MGLL: variants seen among roughly 807,000 people sequenced by gnomAD.
MGLL encodes the protein lysophospholipase homolog.
Under a neutral mutation model 29.1 loss-of-function variants are expected in MGLL, and 7 were observed. The ratio of observed to expected loss-of-function variants is 0.24; its 90% CI spans 0.14 to 0.45. The LOEUF (loss-of-function observed/expected upper bound fraction) is 0.45, where lower values mean the gene tolerates loss of function less well. MGLL is among the 20% of genes least tolerant of loss of function. The pLI, the probability that MGLL is intolerant of heterozygous loss-of-function variation, is 0.99. For synonymous variants in MGLL, 148 were observed against 168.3 expected, an observed-to-expected ratio of 0.88 and a Z score of 0.93; for missense variants, 356 against 413.6, an observed-to-expected ratio of 0.86 and a Z score of 1.21.
chr3:127,695,678 A>T (rs1174410454), intron 6 of MGLL, among the ~76,000 whole-genome samples: 2 of 152,192 alleles, frequency 1.3e-5, no homozygotes, highest in East Asian at 3.8e-4. Context: ...TGGGAGGCGG[A>T]CTTTGCAGTG....
intron 2 of MGLL, among the ~76,000 whole-genome samples, chr3:127,786,527 G>A (rs1351820174): frequency 6.6e-6 from 1 of 152,230 alleles, no homozygotes; most frequent in Admixed American, 6.5e-5. Context: ...GAAGCAGATG[G>A]CCTGCCTGGC....
At chr3:127,711,287 C>T in intron 5 of MGLL, 1 of 172,056 alleles carries the variant, frequency 5.8e-6, no homozygotes, top group South Asian at 1.4e-4. Flanking sequence ...GCCAGTGGGA[C>T]CTTGACCCTC....
At chr3:127,785,625 CGCAA>C (rs2077199806) in intron 2 of MGLL, among the ~76,000 whole-genome samples, 1 of 152,238 alleles carries the variant, frequency 6.6e-6, no homozygotes, top group African/African-American at 2.4e-5. Context: ...CAGGACCCTG[CGCAA>C]GTCGCCTGAT....
chr3:127,735,771 G>A (rs774468662), intron 3 of MGLL: 10 of 1,598,184 alleles, frequency 6.3e-6, no homozygotes, highest in Non-Finnish European at 7.6e-6. Context: ...CCTTTGTATG[G>A]TTTCAGAGGA....
intron 1 of MGLL, 53 bp from the exon 2 acceptor site, chr3:127,821,891 T>C (rs1209795966): frequency 5.1e-6 from 8 of 1,566,862 alleles, no homozygotes; most frequent in Non-Finnish European, 7.0e-6. Flanking sequence ...AGAACATGTA[T>C]GGATAGGAGA....
intron 3 of MGLL, among the ~76,000 whole-genome samples, chr3:127,731,174 T>A (rs2076143254): frequency 6.6e-6 from 1 of 152,070 alleles, no homozygotes; most frequent in African/African-American, 2.4e-5. Context: ...TTTCTCCTGG[T>A]TTTATTTATG....
At chr3:127,703,044 G>A (rs2075527861) in intron 6 of MGLL, among the ~76,000 whole-genome samples, 1 of 152,204 alleles carries the variant, frequency 6.6e-6, no homozygotes, top group Non-Finnish European at 1.5e-5. Flanking sequence ...GGCTCTGCAG[G>A]TCGCAGCCCC....
chr3:127,747,451 T>C (rs2076469485), intron 3 of MGLL, among the ~76,000 whole-genome samples: 1 of 152,226 alleles, frequency 6.6e-6, no homozygotes, highest in Admixed American at 6.5e-5. Flanking sequence ...GACTGTGTGC[T>C]CCTTAGGGGC....
rs1271817001 is a variant in MGLL at position 127,761,761 on chromosome 3, G to A, written c.262+20028C>T. Among the ~76,000 whole-genome samples the A allele has an allele frequency of 1.3e-5, 2 of 152,134 alleles. No individual in the cohort carries two copies. Among genetic ancestry groups the A allele is most frequent in the African/African-American group, 2.4e-5 (1 of 41,422 alleles). ...CGTTCGGCTCCTCGCTTCATCGGCC[G>A]GGCCCTTGGGACCCCAGCTCTTCAG... is the stretch of plus-strand genomic sequence containing the variant. On this transcript the variant is annotated intron_variant, in intron 3 of 7. Transcript: ENST00000265052. The surrounding 1 kb of genome is among the most constrained non-coding windows in gnomAD (Gnocchi z 4.6).
intron 2 of MGLL, among the ~76,000 whole-genome samples, chr3:127,821,176 T>A (rs1453153212): frequency 1.3e-5 from 2 of 152,192 alleles, no homozygotes; most frequent in Non-Finnish European, 2.9e-5. Flanking sequence ...GCAAGACAAA[T>A]CCTTGATGGA....
chr3:127,758,635 CA>C (rs1408117528), intron 3 of MGLL, among the ~76,000 whole-genome samples: 2 of 152,230 alleles, frequency 1.3e-5, no homozygotes, highest in African/African-American at 4.8e-5. Context: ...CCTTTCCTAA[CA>C]ATTCGGCTGT....
rs1416900448 is a variant in MGLL at position 127,761,839 on chromosome 3, A to T, written c.262+19950T>A. Among the ~76,000 whole-genome samples the T allele has an allele frequency of 1.3e-5, 2 of 152,182 alleles. No individual in the cohort carries two copies. Among genetic ancestry groups the T allele is most frequent in the African/African-American group, 4.8e-5 (2 of 41,460 alleles). ...TCAAATGCCCAGACAAGCACTAAAT[A>T]TGCGTAGTGCACCCAGCGCACTTGC... On this transcript the variant is annotated intron_variant, in intron 3 of 7. Transcript: ENST00000265052. The surrounding 1 kb of genome is among the most constrained non-coding windows in gnomAD (Gnocchi z 4.6).
At chr3:127,759,461 G>A (rs778120829) in intron 3 of MGLL, among the ~76,000 whole-genome samples, 1 of 152,188 alleles carries the variant, frequency 6.6e-6, no homozygotes, top group Non-Finnish European at 1.5e-5. Context: ...CTCACTGGAG[G>A]TGGGTGTGCC....
chr3:127,755,474 T>C (rs1304187383), intron 3 of MGLL, among the ~76,000 whole-genome samples: 1 of 152,084 alleles, frequency 6.6e-6, no homozygotes, highest in African/African-American at 2.4e-5. Flanking sequence ...GTCAATGGGT[T>C]TTCAGTGACA....
rs1576501604 is a variant in MGLL, at chr3:127,721,224, T to C, written c.400-61A>G. ...CTTGCACCAGTGCACACATTTCTAA[T>C]AAACATGACCAATGCAGTCCTCTTA... On this transcript the variant is annotated intron_variant, in intron 4 of 7. Coordinates refer to ENST00000265052, the MANE Select transcript of MGLL (RefSeq NM_007283.7). 4.8e-6 allele frequency: 7 copies of C among 1,443,404 alleles called. No individual in the cohort carries two copies. In the East Asian group the frequency reaches 1.1e-4, roughly 24 times the overall value. 89.4% of individuals were successfully genotyped at this position (1,443,404 alleles called of 1,614,324 possible).
chr3:127,691,813 T>G lies in MGLL; in HGVS notation c.*385A>C. 3.5e-6 allele frequency: 1 copy of G among 281,822 alleles called. No homozygotes were observed. 17.5% of individuals were successfully genotyped at this position (281,822 alleles called of 1,614,324 possible). Reference sequence around the variant, plus strand: ...AGGGCGCTGGGGCGTGAGCGAAGGGTGGGCAGGAAGGAGGCGCCTCCAGTT... The same window carrying G: ...AGGGCGCTGGGGCGTGAGCGAAGGGGGGGCAGGAAGGAGGCGCCTCCAGTT... On this transcript the variant is annotated 3_prime_UTR_variant, in exon 8 of 8. Transcript: ENST00000265052.
intron 2 of MGLL, among the ~76,000 whole-genome samples, chr3:127,806,471 G>T (rs1469587406): frequency 2.0e-5 from 3 of 152,084 alleles, no homozygotes; most frequent in Non-Finnish European, 4.4e-5. Context: ...ATGAATGGGT[G>T]GCTGGGTGGA....
At chr3:127,755,804 T>C (rs559889516) in intron 3 of MGLL, among the ~76,000 whole-genome samples, 4 of 152,252 alleles carry the variant, frequency 2.6e-5, no homozygotes, top group Non-Finnish European at 5.9e-5. Context: ...TCTATGACTA[T>C]TGTTTGTAGA....
At chr3:127,707,376 A>G (rs2075624019) in intron 6 of MGLL, among the ~76,000 whole-genome samples, 1 of 152,256 alleles carries the variant, frequency 6.6e-6, no homozygotes, top group African/African-American at 2.4e-5. Flanking sequence ...GTCCTTGGCC[A>G]TAGAACTCTT....
Sources: gnomAD v4.1 joint callset for allele counts (sites outside exome capture counted in the v4.1 genomes callset) on GRCh38, gnomAD v4.1.1 for gene constraint, Gnocchi (gnomAD v3.1) non-coding constraint, MANE v1.5 for transcripts, NCBI Gene and HGNC (gene_info 2026-07-23, HGNC 2026-07-21) for gene names.